Variants in ADAP1 observed in about 807,000 individuals in gnomAD.
The protein encoded by ADAP1 is ArfGAP with dual PH domains 1, also known as arf-GAP with dual PH domain-containing protein 1.
Under a neutral mutation model 54.9 loss-of-function variants are expected in ADAP1, and 31 were observed. The observed-to-expected ratio is 0.56, with a 90% confidence interval of 0.42 to 0.76. The LOEUF (loss-of-function observed/expected upper bound fraction) is 0.76, where lower values mean the gene tolerates loss of function less well. Among genes scored for constraint, ADAP1 ranks in the 30% least tolerant of loss-of-function variants. The pLI, the probability that ADAP1 is intolerant of heterozygous loss-of-function variation, is 0.00. For synonymous variants in ADAP1, 313 were observed against 202.6 expected (o/e 1.55, Z -4.63); for missense variants, 535 against 512.4 (o/e 1.04, Z -0.42).
intron 2 of ADAP1, among the ~76,000 whole-genome samples, chr7:930,101 CAAAAAAA>C (rs1170304660): frequency 9.0e-5 from 3 of 33,296 alleles, no homozygotes; most frequent in South Asian, 1.9e-3. Flanking sequence ...AAGACTGTCT[CAAAAAAA>C]AAAAAAAAAA....
At chr7:935,211 C>T (rs1210041650) in intron 2 of ADAP1, 164 bp downstream of exon 2, 1 of 977,706 alleles carries the variant, frequency 1.0e-6, no homozygotes, top group Non-Finnish European at 1.6e-6. Flanking sequence ...ACAGGCGGAG[C>T]CGCTGGAGAG....
chr7:919,558 G>C (rs1052560917), intron 4 of ADAP1, among the ~76,000 whole-genome samples: 1 of 147,492 alleles, frequency 6.8e-6, no homozygotes, highest in Admixed American at 6.8e-5. Flanking sequence ...GGGAGAGACA[G>C]AGATAGAGAG....
intron 4 of ADAP1, among the ~76,000 whole-genome samples, chr7:919,290 G>A (rs980966697): frequency 6.6e-6 from 1 of 152,174 alleles, no homozygotes; most frequent in Admixed American, 6.5e-5. Context: ...TGGAGACAGG[G>A]GTCCCTGCAG....
chr7:913,415 A>G (rs1462838210), intron 4 of ADAP1, among the ~76,000 whole-genome samples: 1 of 151,478 alleles, frequency 6.6e-6, no homozygotes, highest in East Asian at 2.0e-4. Context: ...GTTAGCCAGG[A>G]TGGTCTTGAT....
At chr7:955,372 A>G, upstream of ADAP1, 3 of 1,550,296 alleles carry the variant, frequency 1.9e-6, no homozygotes, top group Non-Finnish European at 2.6e-6. Context: ...TTGCAGGGTT[A>G]ATGCAGTACA....
chr7:917,997 C>T lies in ADAP1; in HGVS notation c.388+1971G>A, dbSNP rs142984858. On this transcript the variant is annotated intron_variant, in intron 4 of 10. Transcript: ENST00000265846. ...CAACATGGGGTTTCGCCACGTTGCT[C>T]AGGCTGGTCTTGAACTCCTGAGATC... 8.4e-3 allele frequency among the ~76,000 whole-genome samples: 1,273 copies of T among 152,282 alleles called. 4 individuals carry two copies. Among genetic ancestry groups the T allele is most frequent in the Non-Finnish European group, 0.013 (863 of 68,018 alleles).
intron 2 of ADAP1, among the ~76,000 whole-genome samples, chr7:931,491 G>A (rs978957231): frequency 3.9e-5 from 6 of 152,080 alleles, no homozygotes; most frequent in South Asian, 4.1e-4. Context: ...CTCACACGCC[G>A]TGCGATCCCG....
At position 954,538 on chromosome 7, in the gene ADAP1, G is replaced by C; in HGVS notation, c.-61C>G. On this transcript the variant is annotated 5_prime_UTR_variant, in exon 1 of 11. Coordinates refer to ENST00000265846, the MANE Select transcript of ADAP1 (RefSeq NM_006869.4). ...GGGGCCGGGAGCGTCAGCCCGGCTC[G>C]CTAGGGCCCCGCGCAGGCCGCCCGC... 1 of 995,768 alleles carries C rather than the reference G, an allele frequency of 1.0e-6. No individual in the cohort carries two copies. Among genetic ancestry groups the C allele is most frequent in the East Asian group, 1.1e-4 (1 of 9,300 alleles). The allele number at this position is 995,768 out of a possible 1,614,324, so 61.7% of individuals were successfully genotyped here.
In ADAP1 at chr7:906,691, G is replaced by A. The variant is rs186223028; in HGVS notation, c.389-1519C>T. On this transcript the variant is annotated intron_variant, in intron 4 of 10. Transcript: ENST00000265846. The stretch of plus-strand genomic sequence containing the variant: ...AGGGGACATGGACAGGGGACACGGG[G>A]GACATGGACATGGGGGACGGGACAT... Among the ~76,000 whole-genome samples, 125 of 39,342 alleles carry A rather than the reference G, an allele frequency of 3.2e-3. 2 individuals are homozygous for A. The East Asian group carries it at 0.051, about 16-fold the overall frequency. 25.8% of individuals were successfully genotyped at this position (39,342 alleles called of 152,430 possible). A position where few individuals can be genotyped will look rare whatever the true frequency, so the allele number is the denominator to read the frequency against.
chr7:925,395 G>C (rs1393900215), intron 3 of ADAP1, among the ~76,000 whole-genome samples: 1 of 148,660 alleles, frequency 6.7e-6, no homozygotes, highest in Non-Finnish European at 1.5e-5. Flanking sequence ...GCCCAGGATG[G>C]TGTGTAGGGT....
At chr7:900,411 G>A (rs887104442) in intron 7 of ADAP1, 122 bp downstream of exon 7, 6 of 1,140,472 alleles carry the variant, frequency 5.3e-6, no homozygotes, top group African/African-American at 1.5e-5. Flanking sequence ...GTGAGCCCTT[G>A]GCCAGTCCCA....
chr7:901,218 T>G (rs1255374953), intron 6 of ADAP1: 5 of 358,488 alleles, frequency 1.4e-5, no homozygotes, highest in South Asian at 6.3e-5. Context: ...CAGCCCCACG[T>G]CGGGTGCCCT....
rs961068499 is a variant in ADAP1, at chr7:898,754, A to G, written c.*167T>C. On this transcript the variant is annotated 3_prime_UTR_variant, in exon 11 of 11. Coordinates refer to ENST00000265846, the MANE Select transcript of ADAP1 (RefSeq NM_006869.4). ...CCTGGGCTGCCTGCCTTGAGGTTCC[A>G]GAGAAGCATCCTGGAAGCTGAAGCT... The G allele has an allele frequency of 4.6e-6, 4 of 862,358 alleles. No individual in the cohort carries two copies. In the African/African-American group the frequency reaches 6.7e-5, roughly 15 times the overall value. The allele number at this position is 862,358 out of a possible 1,614,324, so 53.4% of individuals were successfully genotyped here.
intron 2 of ADAP1, among the ~76,000 whole-genome samples, chr7:931,467 G>A (rs1846574995): frequency 6.6e-6 from 1 of 152,186 alleles, no homozygotes; most frequent in African/African-American, 2.4e-5. Flanking sequence ...CGGGAAAGGA[G>A]TCGGACGCCG....
At chr7:927,177 C>T (rs1846420028) in intron 2 of ADAP1, 1 of 1,297,620 alleles carries the variant, frequency 7.7e-7, no homozygotes, top group Non-Finnish European at 1.0e-6. Flanking sequence ...ACTGCAGGGA[C>T]CCAGAACATG....
chr7:955,209 C>G, upstream of ADAP1: 1 of 1,244,360 alleles, frequency 8.0e-7, no homozygotes, highest in Non-Finnish European at 1.1e-6. Flanking sequence ...TCTGGGCACC[C>G]CTCCCACTCA....
At chr7:903,391 C>A (rs562858239) in intron 6 of ADAP1, among the ~76,000 whole-genome samples, 1 of 152,082 alleles carries the variant, frequency 6.6e-6, no homozygotes, top group Non-Finnish European at 1.5e-5. Context: ...GCAGCGACAC[C>A]GGCAGCTTAT....
At chr7:906,755 TGGACAGGGGACATGGG>T (rs1397877150) in intron 4 of ADAP1, among the ~76,000 whole-genome samples, 1 of 22,236 alleles carries the variant, frequency 4.5e-5, no homozygotes, top group Admixed American at 3.8e-4. Flanking sequence ...ATAGGGGACA[TGGACAGGGGACATGGG>T]GGACAGGGGA....
chr7:909,732 G>C (rs1160317870), intron 4 of ADAP1, among the ~76,000 whole-genome samples: 5 of 152,240 alleles, frequency 3.3e-5, no homozygotes, highest in Admixed American at 1.3e-4. Flanking sequence ...GCCAGAAATG[G>C]CCATTTTCTC....
Sources: gnomAD v4.1 joint callset for allele counts (sites outside exome capture counted in the v4.1 genomes callset) on GRCh38, gnomAD v4.1.1 for gene constraint, MANE v1.5 for transcripts, NCBI Gene and HGNC (gene_info 2026-07-23, HGNC 2026-07-21) for gene names.